The following GIGYF2 variants were observed in gnomAD, a reference collection of about 807,000 sequenced individuals.
GIGYF2 encodes the protein GRB10 interacting GYF protein 2.
GIGYF2 carries 25 observed loss-of-function variants against 208.1 expected under a neutral mutation model. That is an observed-to-expected ratio of 0.12 (90% CI 0.09 to 0.17). GIGYF2 has a LOEUF of 0.17. Ranked by LOEUF, GIGYF2 falls within the 10% of genes least tolerant of loss-of-function variation. GIGYF2 has a pLI of 1.00. For synonymous variants in GIGYF2, 534 were observed against 543.8 expected (o/e 0.98, Z 0.25); for missense variants, 1,302 against 1,579.4 (o/e 0.82, Z 2.98).
intron 21 of GIGYF2, among the ~76,000 whole-genome samples, chr2:232,826,045 T>A (rs1701236492): frequency 6.6e-6 from 1 of 152,186 alleles, no homozygotes; most frequent in African/African-American, 2.4e-5. Flanking sequence ...CATCCTTTTT[T>A]ATGGCTGCAT....
intron 8 of GIGYF2, among the ~76,000 whole-genome samples, chr2:232,783,526 T>C (rs1699789677): frequency 6.6e-6 from 1 of 152,236 alleles, no homozygotes; most frequent in South Asian, 2.1e-4. Flanking sequence ...TTTACAAGAA[T>C]ACTAGTTCCA....
At chr2:232,737,909 T>A (rs1311580071) in intron 3 of GIGYF2, among the ~76,000 whole-genome samples, 1 of 16,738 alleles carries the variant, frequency 6.0e-5, no homozygotes, top group African/African-American at 3.3e-4. Flanking sequence ...AGCTTTAACT[T>A]TTTTTTTTTT....
chr2:232,832,807 C>T (rs751464002), intron 21 of GIGYF2, 50 bp from the exon 22 acceptor site: 138 of 1,356,374 alleles, frequency 1.0e-4, no homozygotes, highest in South Asian at 9.4e-4. Context: ...CAGATTTTTC[C>T]CCCCACAATT....
At chr2:232,837,135 C>G (rs1192021937) in intron 22 of GIGYF2, among the ~76,000 whole-genome samples, 3 of 152,158 alleles carry the variant, frequency 2.0e-5, no homozygotes, top group African/African-American at 7.2e-5. Context: ...TGGGGCTGGG[C>G]ACAAGAAGAG....
At chr2:232,704,419 T>G (rs963707916) in intron 2 of GIGYF2, among the ~76,000 whole-genome samples, 1 of 152,116 alleles carries the variant, frequency 6.6e-6, no homozygotes, top group African/African-American at 2.4e-5. Flanking sequence ...GTTTGTTTGT[T>G]TTTTAGACAG....
At chr2:232,736,441 C>T (rs925756164) in intron 3 of GIGYF2, 1 of 154,864 alleles carries the variant, frequency 6.5e-6, no homozygotes, top group African/African-American at 2.4e-5. Context: ...TTATTTTTTA[C>T]AAAAATGGGA....
At chr2:232,764,198 A>G (rs1347296053) in intron 8 of GIGYF2, among the ~76,000 whole-genome samples, 1 of 152,238 alleles carries the variant, frequency 6.6e-6, no homozygotes, top group Non-Finnish European at 1.5e-5. Flanking sequence ...AAAGTCTTAC[A>G]TAAGGAAATT....
chr2:232,711,705 G>GTATATACATATATATATATA (rs1696413151), intron 2 of GIGYF2, among the ~76,000 whole-genome samples: 1 of 115,762 alleles, frequency 8.6e-6, no homozygotes, highest in Non-Finnish European at 1.8e-5. Flanking sequence ...TCACAATGAT[G>GTATATACATATATATATATA]TATATATATA....
intron 4 of GIGYF2, among the ~76,000 whole-genome samples, chr2:232,748,449 A>AT (rs1402100293): frequency 6.6e-6 from 1 of 151,934 alleles, no homozygotes; most frequent in Non-Finnish European, 1.5e-5. Context: ...CGCTTGGCTA[A>AT]TTTTTTTGTA....
At chr2:232,821,849 AGGT>A (rs1701089858) in intron 21 of GIGYF2, among the ~76,000 whole-genome samples, 1 of 151,590 alleles carries the variant, frequency 6.6e-6, no homozygotes, top group African/African-American at 2.4e-5. Context: ...GTATGATATG[AGGT>A]ATGGGTTGTT....
intron 22 of GIGYF2, among the ~76,000 whole-genome samples, chr2:232,836,700 A>G (rs892248728): frequency 1.3e-5 from 2 of 151,760 alleles, no homozygotes; most frequent in Non-Finnish European, 2.9e-5. Context: ...GATTTCTTCT[A>G]GTTTTCTTTA....
chr2:232,815,519 A>C, intron 18 of GIGYF2, 118 bp from the exon 19 acceptor site: 1 of 715,918 alleles, frequency 1.4e-6, no homozygotes, highest in South Asian at 1.5e-5. Context: ...GGCAAAACAG[A>C]TGTGTTTGGT....
chr2:232,783,273 G>A (rs903248830), intron 8 of GIGYF2, among the ~76,000 whole-genome samples: 3 of 152,202 alleles, frequency 2.0e-5, no homozygotes, highest in East Asian at 3.8e-4. Flanking sequence ...AGATAAAGAG[G>A]AAAGCAACAC....
intron 3 of GIGYF2, among the ~76,000 whole-genome samples, chr2:232,746,264 A>G (rs1433219779): frequency 6.6e-6 from 1 of 151,666 alleles, no homozygotes. Context: ...AACACATTTT[A>G]CTGTTTACTA....
chr2:232,848,822 G>A (rs1702103542), intron 27 of GIGYF2, among the ~76,000 whole-genome samples: 1 of 152,132 alleles, frequency 6.6e-6, no homozygotes, highest in African/African-American at 2.4e-5. Flanking sequence ...CTCTGAGTAT[G>A]TGTATTTCTA....
intron 8 of GIGYF2, among the ~76,000 whole-genome samples, chr2:232,784,786 T>G (rs1443315923): frequency 1.3e-5 from 2 of 152,312 alleles, no homozygotes; most frequent in East Asian, 3.9e-4. Context: ...TGATATAGTT[T>G]GGATGTTTGT....
intron 14 of GIGYF2, among the ~76,000 whole-genome samples, chr2:232,798,469 T>A (rs1290563801): frequency 2.0e-5 from 3 of 152,220 alleles, no homozygotes; most frequent in Non-Finnish European, 2.9e-5. Context: ...TATGCTTAGT[T>A]TTAAAAGAAA....
chr2:232,840,041 G>C (rs1701771188), intron 23 of GIGYF2, 70 bp downstream of exon 23: 1 of 1,448,988 alleles, frequency 6.9e-7, no homozygotes, highest in East Asian at 2.3e-5. Flanking sequence ...TTATGGGTTA[G>C]TGGTTACTGA....
Position 232,844,409 on chromosome 2 carries a change from G to T in GIGYF2, c.3140G>T (p.Gly1047Val). The part of the protein sequence containing the change: ...LHTSIGNSVW[G>V]SINTGPPNQW... ...ACCAGCATTGGGAATTCTGTTTGGG[G>T]CTCTATAAATACTGGTCCTCCTAAC... Residue 1047 changes from glycine (G) to valine (V), a missense_variant, in exon 25 of 29, where the codon GGC (glycine) becomes GTC (valine). Physicochemically the swap from Gly to Val is moderately radical, Grantham distance 109. Around this residue, in one of 8 missense-constraint regions of GIGYF2, gnomAD observed 701 missense variants for 793.0 expected, o/e 0.88. Coordinates refer to ENST00000373563, the MANE Select transcript of GIGYF2 (RefSeq NM_001103146.3). 1.9e-6 allele frequency: 3 copies of T among 1,613,834 alleles called. No individual in the cohort carries two copies. Among genetic ancestry groups the T allele is most frequent in the Non-Finnish European group, 1.7e-6 (2 of 1,179,744 alleles).
Sources: allele counts gnomAD v4.1 joint callset (sites outside exome capture counted in the v4.1 genomes callset), GRCh38; gene constraint gnomAD v4.1.1; regional missense constraint gnomAD v4.1.1; transcripts MANE v1.5; gene names NCBI Gene and HGNC (gene_info 2026-07-23, HGNC 2026-07-21).